Variants in SLCO3A1 observed in about 807,000 individuals in gnomAD.
The protein encoded by SLCO3A1 is solute carrier organic anion transporter family member 3A1, also known as PGE1 transporter.
In SLCO3A1, 27 loss-of-function variants were observed where a neutral mutation model predicts 63.1. That is an observed-to-expected ratio of 0.43 (90% CI 0.32 to 0.59). The LOEUF (loss-of-function observed/expected upper bound fraction) is 0.59, where lower values mean the gene tolerates loss of function less well. Ranked by LOEUF, SLCO3A1 falls within the 20% of genes least tolerant of loss-of-function variation. The probability of loss-of-function intolerance (pLI) is 0.09; values close to 1 mark genes in which losing one functional copy is unlikely to be tolerated. For missense variants in SLCO3A1, 773 were observed against 945.8 expected, an observed-to-expected ratio of 0.82 and a Z score of 2.40; for synonymous variants, 473 against 409.9, an observed-to-expected ratio of 1.15 and a Z score of -1.86.
intron 9 of SLCO3A1, among the ~76,000 whole-genome samples, chr15:92,152,891 T>C (rs1385422653): frequency 1.3e-5 from 2 of 152,204 alleles, no homozygotes; most frequent in South Asian, 2.1e-4. Flanking sequence ...GGAGTTGCTA[T>C]GGAGATCTCT....
At chr15:92,116,043 G>C (rs563367109) in intron 4 of SLCO3A1, among the ~76,000 whole-genome samples, 32 of 152,240 alleles carry the variant, frequency 2.1e-4, no homozygotes, top group Admixed American at 7.2e-4. Context: ...ACAAGCACAT[G>C]CCATGGCAGC....
At chr15:92,101,053 G>A (rs1242144899) in intron 3 of SLCO3A1, among the ~76,000 whole-genome samples, 1 of 152,144 alleles carries the variant, frequency 6.6e-6, no homozygotes, top group East Asian at 1.9e-4. Flanking sequence ...AGGATCCAAT[G>A]CAGACACTGA....
intron 2 of SLCO3A1, among the ~76,000 whole-genome samples, chr15:91,943,553 G>A (rs1899695608): frequency 6.6e-6 from 1 of 152,214 alleles, no homozygotes; most frequent in African/African-American, 2.4e-5. Context: ...CCATAGGTGT[G>A]CAAAATGTCT....
chr15:92,164,966 G>GTTT lies in SLCO3A1; in HGVS notation c.*1831_*1832insTTT, dbSNP rs2048481313. 8.3e-6 allele frequency: 8 copies of GTTT among 964,112 alleles called. No homozygotes were observed. Among genetic ancestry groups the GTTT allele is most frequent in the Non-Finnish European group, 8.5e-6 (7 of 821,604 alleles). 59.7% of individuals were successfully genotyped at this position (964,112 alleles called of 1,614,324 possible). A position where few individuals can be genotyped will look rare whatever the true frequency, so the allele number is the denominator to read the frequency against. ...CCTGGCGCTGGAAAAAAAACTCAAA[G>GTTT]GTTGATTGGTTTGCTTTTTCACCTT... On this transcript the variant is annotated 3_prime_UTR_variant, in exon 10 of 10. Coordinates refer to ENST00000318445, the MANE Select transcript of SLCO3A1 (RefSeq NM_013272.4).
intron 1 of SLCO3A1, among the ~76,000 whole-genome samples, chr15:91,914,674 A>G (rs1453771526): frequency 6.6e-6 from 1 of 151,094 alleles, no homozygotes; most frequent in Non-Finnish European, 1.5e-5. Context: ...GGTTCAAGCA[A>G]TTCTCCTGCC....
intron 2 of SLCO3A1, among the ~76,000 whole-genome samples, chr15:91,956,864 A>G (rs1900198913): frequency 8.0e-6 from 1 of 124,762 alleles, no homozygotes; most frequent in African/African-American, 3.1e-5. Flanking sequence ...ATCTCAGCTC[A>G]CTGCAGCCTC....
intron 1 of SLCO3A1, among the ~76,000 whole-genome samples, chr15:91,868,870 C>A (rs937548101): frequency 2.6e-5 from 4 of 152,314 alleles, no homozygotes; most frequent in African/African-American, 7.2e-5. Context: ...CTAAATCATT[C>A]TCATGGCTTT....
chr15:91,993,338 T>A (rs2046150795), intron 2 of SLCO3A1, among the ~76,000 whole-genome samples: 2 of 152,214 alleles, frequency 1.3e-5, no homozygotes, highest in Admixed American at 1.3e-4. Flanking sequence ...ACAGAGCACT[T>A]TTGGTTTGAA....
intron 2 of SLCO3A1, among the ~76,000 whole-genome samples, chr15:92,034,272 G>T (rs917452054): frequency 6.6e-6 from 1 of 151,418 alleles, no homozygotes; most frequent in African/African-American, 2.4e-5. Context: ...AAGGGGAAGA[G>T]GCCAGAAGTC....
At chr15:92,078,716 T>TA (rs1217089908) in intron 2 of SLCO3A1, among the ~76,000 whole-genome samples, 3 of 152,218 alleles carry the variant, frequency 2.0e-5, no homozygotes, top group Non-Finnish European at 4.4e-5. Context: ...CTGGGCACGT[T>TA]ACTTCATCTC....
chr15:92,143,801 G>A (rs2048182782), intron 7 of SLCO3A1, among the ~76,000 whole-genome samples: 1 of 152,088 alleles, frequency 6.6e-6, no homozygotes. Context: ...GTGTTTTGAA[G>A]TAAGAGGAAG....
intron 1 of SLCO3A1, among the ~76,000 whole-genome samples, chr15:91,861,486 A>G (rs1463429802): frequency 6.9e-6 from 1 of 143,964 alleles, no homozygotes; most frequent in Non-Finnish European, 1.5e-5. Flanking sequence ...TATTTCCCAT[A>G]TGACTGGGCA....
At chr15:91,989,547 G>C (rs888902280) in intron 2 of SLCO3A1, among the ~76,000 whole-genome samples, 2 of 152,158 alleles carry the variant, frequency 1.3e-5, no homozygotes, top group African/African-American at 2.4e-5. Flanking sequence ...CAAGAACATA[G>C]AGGGCTCAAA....
intron 2 of SLCO3A1, among the ~76,000 whole-genome samples, chr15:92,055,240 G>A (rs1205547716): frequency 6.6e-6 from 1 of 152,080 alleles, no homozygotes; most frequent in Non-Finnish European, 1.5e-5. Context: ...CTGCATAAAT[G>A]TCTTCTCTTG....
In SLCO3A1 at chr15:92,165,844, A is replaced by AAGAT. The variant is rs2048489796; in HGVS notation, c.*2710_*2713dup. 6 of 985,178 alleles carry AAGAT rather than the reference A, an allele frequency of 6.1e-6. No individual in the cohort carries two copies. In the African/African-American group the frequency reaches 1.0e-4, roughly 17 times the overall value. 61.0% of individuals were successfully genotyped at this position (985,178 alleles called of 1,614,324 possible). A position where few individuals can be genotyped will look rare whatever the true frequency, so the allele number is the denominator to read the frequency against. On this transcript the variant is annotated 3_prime_UTR_variant, in exon 10 of 10. Coordinates refer to ENST00000318445, the MANE Select transcript of SLCO3A1 (RefSeq NM_013272.4). ...CAAGTGAATGAAAAGATTTCCTGGT[A>AAGAT]AGATCATTGGATTTACAGAATACAA...
intron 6 of SLCO3A1, among the ~76,000 whole-genome samples, chr15:92,127,119 T>C (rs1017256500): frequency 1.3e-5 from 2 of 152,200 alleles, no homozygotes; most frequent in Admixed American, 6.5e-5. Flanking sequence ...CTGTGTACAA[T>C]CCAGGCACCA....
rs147012377 is a variant in SLCO3A1 at position 91,869,496 on chromosome 15, A to C, written c.180+15408A>C. ...GGTTGCAATGAGCCAAGATGGCGCC[A>C]CTGCACTCCAGTCTCTGTCTCAAAG... On this transcript the variant is annotated intron_variant, in intron 1 of 9. Coordinates refer to ENST00000318445, the MANE Select transcript of SLCO3A1 (RefSeq NM_013272.4). Among the ~76,000 whole-genome samples, 1,040 of 150,744 alleles carry C rather than the reference A, an allele frequency of 6.9e-3. 17 individuals are homozygous for C. The highest frequency in any genetic ancestry group is 0.024 in the African/African-American group (973 of 40,840).
intron 2 of SLCO3A1, among the ~76,000 whole-genome samples, chr15:91,943,353 T>C (rs764020226): frequency 2.6e-5 from 4 of 152,228 alleles, no homozygotes; most frequent in Non-Finnish European, 5.9e-5. Context: ...CTTTTGTGAC[T>C]GGTTTACTTC....
intron 2 of SLCO3A1, among the ~76,000 whole-genome samples, chr15:91,940,369 C>A (rs1274707204): frequency 6.6e-6 from 1 of 152,098 alleles, no homozygotes; most frequent in Non-Finnish European, 1.5e-5. Flanking sequence ...CGTGAGACTC[C>A]CCCAAGCAGC....
Sources: allele counts gnomAD v4.1 joint callset (sites outside exome capture counted in the v4.1 genomes callset), GRCh38; gene constraint gnomAD v4.1.1; transcripts MANE v1.5; gene names NCBI Gene and HGNC (gene_info 2026-07-23, HGNC 2026-07-21).